CPLX2: variants seen among roughly 807,000 people sequenced by gnomAD.
The protein encoded by CPLX2 is complexin 2.
In CPLX2, 5 loss-of-function variants were observed where a neutral mutation model predicts 16.3. The observed-to-expected ratio is 0.31, with a 90% confidence interval of 0.16 to 0.64. The LOEUF (loss-of-function observed/expected upper bound fraction) is 0.64. CPLX2 is among the 30% of genes least tolerant of loss of function. The pLI is 0.79. For missense variants in CPLX2, 144 were observed against 181.4 expected, an observed-to-expected ratio of 0.79 and a Z score of 1.18; for synonymous variants, 89 against 73.2, an observed-to-expected ratio of 1.22 and a Z score of -1.10.
At chr5:175,876,135 AC>A (rs1276452815) in intron 1 of CPLX2, among the ~76,000 whole-genome samples, 4 of 152,098 alleles carry the variant, frequency 2.6e-5, no homozygotes, top group Non-Finnish European at 5.9e-5. Flanking sequence ...GTGTGCATAT[AC>A]CCCCACACTC....
At chr5:175,856,236 A>C (rs1250032533) in intron 2 of CPLX2, among the ~76,000 whole-genome samples, 4 of 152,190 alleles carry the variant, frequency 2.6e-5, no homozygotes. Flanking sequence ...GTGTGGCTGA[A>C]ATGAGGTAGT....
chr5:175,860,440 GA>G (rs1561786245), intron 2 of CPLX2, among the ~76,000 whole-genome samples: 9 of 123,696 alleles, frequency 7.3e-5, no homozygotes, highest in African/African-American at 3.4e-4. Flanking sequence ...AAGGAAGAAA[GA>G]GAAAGAAAGA....
At chr5:175,855,551 A>C (rs190148322) in intron 2 of CPLX2, among the ~76,000 whole-genome samples, 3 of 152,286 alleles carry the variant, frequency 2.0e-5, no homozygotes, top group East Asian at 3.9e-4. Flanking sequence ...AGGAGCTCAA[A>C]AAATGTGACC....
At chr5:175,811,159 T>C (rs1391950761) in intron 2 of CPLX2, among the ~76,000 whole-genome samples, 1 of 152,238 alleles carries the variant, frequency 6.6e-6, no homozygotes, top group African/African-American at 2.4e-5. Flanking sequence ...TGAATGATTA[T>C]GAATGATTGG....
chr5:175,815,794 T>C (rs1335285051), intron 2 of CPLX2, among the ~76,000 whole-genome samples: 2 of 152,226 alleles, frequency 1.3e-5, no homozygotes, highest in East Asian at 3.8e-4. Flanking sequence ...TGTCACAGCA[T>C]TGACCCTCTG....
intron 3 of CPLX2, chr5:175,879,621 C>G: frequency 3.0e-6 from 2 of 671,132 alleles, no homozygotes; most frequent in Non-Finnish European, 5.4e-6. Context: ...GCAGGAAGTT[C>G]TGATGGGCAG....
At chr5:175,856,696 C>T (rs1759264121) in intron 2 of CPLX2, among the ~76,000 whole-genome samples, 1 of 152,104 alleles carries the variant, frequency 6.6e-6, no homozygotes, top group African/African-American at 2.4e-5. Flanking sequence ...CATCTACAGA[C>T]AGAGATGACG....
At chr5:175,864,140 A>T (rs1480208790) in intron 2 of CPLX2, among the ~76,000 whole-genome samples, 1 of 149,396 alleles carries the variant, frequency 6.7e-6, no homozygotes, top group Non-Finnish European at 1.5e-5. Flanking sequence ...GCATTGTTTG[A>T]TTAGAGCCAC....
intron 2 of CPLX2, among the ~76,000 whole-genome samples, chr5:175,811,368 A>G (rs112439488): frequency 0.011 from 1,608 of 152,320 alleles, 22 homozygotes; most frequent in African/African-American, 0.037. Flanking sequence ...GGGTTCCCTC[A>G]GCTCAAGAAA....
intron 2 of CPLX2, among the ~76,000 whole-genome samples, chr5:175,834,424 A>T (rs1758787442): frequency 6.6e-6 from 1 of 152,198 alleles, no homozygotes; most frequent in Admixed American, 6.5e-5. Flanking sequence ...GACTAAGTAG[A>T]CGCAGAGTCT....
Position 175,882,858 on chromosome 5 carries a change from G to A in CPLX2, c.*2813G>A, listed in dbSNP as rs1398556076. ...GAGCAGCTAATGTGTGGCCCAGAGA[G>A]CCTGTCTGTGTGGAGCACGTAGTGC... On this transcript the variant is annotated 3_prime_UTR_variant, in exon 4 of 4. Coordinates refer to ENST00000393745, the MANE Select transcript of CPLX2 (RefSeq NM_001008220.2). 6.6e-6 allele frequency: 1 copy of A among 152,504 alleles called. No homozygotes were observed. Among genetic ancestry groups the A allele is most frequent in the Admixed American group, 6.5e-5 (1 of 15,288 alleles). The allele number at this position is 152,504 out of a possible 1,614,324, so 9.4% of individuals were successfully genotyped here. A position where few individuals can be genotyped will look rare whatever the true frequency, so the allele number is the denominator to read the frequency against.
At chr5:175,854,781 T>C (rs924034381) in intron 2 of CPLX2, among the ~76,000 whole-genome samples, 1 of 152,152 alleles carries the variant, frequency 6.6e-6, no homozygotes, top group African/African-American at 2.4e-5. Context: ...GTCAGAGTGA[T>C]ACAACACTGC....
chr5:175,823,567 T>C (rs1421651153), intron 2 of CPLX2, among the ~76,000 whole-genome samples: 3 of 152,222 alleles, frequency 2.0e-5, no homozygotes, highest in Non-Finnish European at 2.9e-5. Context: ...TGTTGATAGA[T>C]GAACCCCAAG....
chr5:175,843,881 C>G (rs1299441743), intron 2 of CPLX2, among the ~76,000 whole-genome samples: 1 of 152,228 alleles, frequency 6.6e-6, no homozygotes, highest in East Asian at 1.9e-4. Flanking sequence ...AGGGAGGGTT[C>G]CCAGGAGCAC....
intron 1 of CPLX2, among the ~76,000 whole-genome samples, chr5:175,807,600 G>A (rs1758231952): frequency 6.6e-6 from 1 of 152,218 alleles, no homozygotes; most frequent in Non-Finnish European, 1.5e-5. Context: ...AATATTGTCA[G>A]CTCCCTGAGA....
At position 175,841,579 on chromosome 5, in the gene CPLX2, A is replaced by AG. The variant is rs1385821270; in HGVS notation, c.-89+32514dup. On this transcript the variant is annotated intron_variant, in intron 2 of 4. Transcript: ENST00000359546. ...ACCCTATGTCTGAGACCTAGATTCC[A>AG]GGGACCCCCCAAGTCTCTTCCACAC... Among the ~76,000 whole-genome samples, 3 of 152,200 alleles carry AG rather than the reference A, an allele frequency of 2.0e-5. No homozygotes were observed. The South Asian group carries it at 6.2e-4, about 31-fold the overall frequency.
intron 2 of CPLX2, among the ~76,000 whole-genome samples, chr5:175,833,021 T>C (rs1758759855): frequency 6.6e-6 from 1 of 152,004 alleles, no homozygotes; most frequent in African/African-American, 2.4e-5. Flanking sequence ...CTAGGCATAG[T>C]GGCAGGCACC....
At chr5:175,797,114 C>G (rs951173819) in intron 1 of CPLX2, among the ~76,000 whole-genome samples, 6 of 152,180 alleles carry the variant, frequency 3.9e-5, no homozygotes, top group Non-Finnish European at 5.9e-5. Context: ...TGCTAAGGAC[C>G]GTCCCTCGCC....
At chr5:175,814,173 A>T (rs557467835) in intron 2 of CPLX2, among the ~76,000 whole-genome samples, 1 of 152,378 alleles carries the variant, frequency 6.6e-6, no homozygotes, top group East Asian at 1.9e-4. Flanking sequence ...TCCAGAGCCC[A>T]TGCTGGGCCC....
Sources: gnomAD v4.1 joint callset for allele counts (sites outside exome capture counted in the v4.1 genomes callset) on GRCh38, gnomAD v4.1.1 for gene constraint, MANE v1.5 for transcripts, NCBI Gene and HGNC (gene_info 2026-07-23, HGNC 2026-07-21) for gene names.